KCNMA1: variants seen among roughly 807,000 people sequenced by gnomAD.
KCNMA1 encodes the protein potassium calcium-activated channel subfamily M alpha 1.
KCNMA1 carries 29 observed loss-of-function variants against 140.0 expected under a neutral mutation model. The observed-to-expected ratio is 0.21, with a 90% CI of 0.15 to 0.28. KCNMA1 has a LOEUF of 0.28. Ranked by LOEUF, KCNMA1 falls within the 10% of genes least tolerant of loss-of-function variation. The pLI is 1.00. For synonymous variants in KCNMA1, 612 were observed against 611.9 expected, an observed-to-expected ratio of 1.00 and a Z score of 0.00; for missense variants, 880 against 1,602.2, an observed-to-expected ratio of 0.55 and a Z score of 7.70.
chr10:76,971,978 T>TGTGG (rs2076222230), intron 19 of KCNMA1, among the ~76,000 whole-genome samples: 1 of 151,416 alleles, frequency 6.6e-6, no homozygotes, highest in East Asian at 2.0e-4. Context: ...TGTGTGGGTG[T>TGTGG]GTGTGTGTGT....
At chr10:77,211,407 G>C (rs2046036788) in intron 3 of KCNMA1, among the ~76,000 whole-genome samples, 1 of 152,174 alleles carries the variant, frequency 6.6e-6, no homozygotes, top group Non-Finnish European at 1.5e-5. Flanking sequence ...ACCATACGTA[G>C]AAGAATGAAA....
At chr10:77,599,484 G>C (rs1190060547) in intron 1 of KCNMA1, among the ~76,000 whole-genome samples, 1 of 152,112 alleles carries the variant, frequency 6.6e-6, no homozygotes, top group African/African-American at 2.4e-5. Context: ...CTCTGACCTA[G>C]GGTGCAAGGT....
At chr10:77,407,148 T>C (rs2096494722) in intron 1 of KCNMA1, among the ~76,000 whole-genome samples, 1 of 152,190 alleles carries the variant, frequency 6.6e-6, no homozygotes, top group Non-Finnish European at 1.5e-5. Flanking sequence ...TTGCTTACAC[T>C]AGATGTTGTG....
intron 1 of KCNMA1, among the ~76,000 whole-genome samples, chr10:77,525,307 C>T (rs556146705): frequency 6.6e-6 from 1 of 152,270 alleles, no homozygotes; most frequent in East Asian, 1.9e-4. Flanking sequence ...AAAGCACATC[C>T]AGCCTGGAAT....
intron 1 of KCNMA1, among the ~76,000 whole-genome samples, chr10:77,593,853 G>A (rs933128961): frequency 3.9e-5 from 6 of 152,146 alleles, no homozygotes; most frequent in Admixed American, 3.9e-4. Context: ...TGCACAATAA[G>A]GAAACCCAGG....
At chr10:77,221,311 A>G (rs2049584440) in intron 3 of KCNMA1, among the ~76,000 whole-genome samples, 2 of 152,044 alleles carry the variant, frequency 1.3e-5, no homozygotes, top group Admixed American at 1.3e-4. Flanking sequence ...TCTTCCCAAG[A>G]CCCTAATTAG....
intron 1 of KCNMA1, among the ~76,000 whole-genome samples, chr10:77,604,834 AG>A (rs1208760005): frequency 1.3e-5 from 2 of 152,208 alleles, no homozygotes; most frequent in African/African-American, 2.4e-5. Context: ...CATCCGTCTG[AG>A]GTCTCAGGCT....
At chr10:77,471,960 CACACT>C (rs2098166801) in intron 1 of KCNMA1, among the ~76,000 whole-genome samples, 1 of 150,694 alleles carries the variant, frequency 6.6e-6, no homozygotes, top group Admixed American at 6.6e-5. Flanking sequence ...ACATACACCA[CACACT>C]ACACATCACA....
rs772340558 is a variant in KCNMA1 at position 76,891,562 on chromosome 10, T to C, written c.3305A>G (p.Gln1102Arg). The change falls in exon 26 of 28, where the codon CAG becomes CGG. Residue 1102 changes from glutamine (Q) to arginine (R), a missense_variant. This residue lies in a region of KCNMA1 where 31 missense variants were observed against 38.8 expected (regional missense o/e 0.80). Transcript: ENST00000286628. ...LANRDRCRVAQLALLDGPFAD... is the reference protein window; with the variant it reads ...LANRDRCRVARLALLDGPFAD... ...AAATGGCCCATCGAGCAGAGCTAAC[T>C]GGGCCACGCGGCAGCGGTCCCTATT... 6.2e-7 allele frequency: 1 copy of C among 1,613,826 alleles called. No individual in the cohort carries two copies. Among genetic ancestry groups the C allele is most frequent in the Non-Finnish European group, 8.5e-7 (1 of 1,179,994 alleles).
At chr10:77,050,912 C>T (rs996088786) in intron 14 of KCNMA1, among the ~76,000 whole-genome samples, 3 of 152,184 alleles carry the variant, frequency 2.0e-5, no homozygotes, top group Non-Finnish European at 4.4e-5. Flanking sequence ...AGATGGGTAT[C>T]CAAGTGTTTG....
intron 2 of KCNMA1, among the ~76,000 whole-genome samples, chr10:77,309,037 A>G (rs1312080040): frequency 6.6e-6 from 1 of 152,096 alleles, no homozygotes; most frequent in East Asian, 1.9e-4. Context: ...CCCTTACCCA[A>G]AGGAGCCCGG....
At chr10:77,378,189 T>C (rs1465483190) in intron 2 of KCNMA1, among the ~76,000 whole-genome samples, 8 of 152,060 alleles carry the variant, frequency 5.3e-5, no homozygotes, top group South Asian at 4.2e-4. Flanking sequence ...CGACAGGCCA[T>C]GAAAAGAACA....
At chr10:77,372,326 C>T (rs1390314601) in intron 2 of KCNMA1, among the ~76,000 whole-genome samples, 5 of 152,206 alleles carry the variant, frequency 3.3e-5, no homozygotes, top group Admixed American at 3.3e-4. Flanking sequence ...AAACACAGAA[C>T]CTGCCACATA....
chr10:76,885,013 T>C lies in KCNMA1; in HGVS notation c.*2253A>G, dbSNP rs757933085. On this transcript the variant is annotated 3_prime_UTR_variant, in exon 28 of 28. Transcript: ENST00000286628. ...CCTTGGCCCATTCTATTCATCCTTG[T>C]TGCACTTTAGAGAGAGAAGTAAGCT... 2 of 1,548,696 alleles carry C rather than the reference T, an allele frequency of 1.3e-6. No individual in the cohort carries two copies. The highest frequency in any genetic ancestry group is 1.7e-6 in the Non-Finnish European group (2 of 1,146,036).
chr10:77,518,455 C>A (rs909367965), intron 1 of KCNMA1, among the ~76,000 whole-genome samples: 1 of 152,176 alleles, frequency 6.6e-6, no homozygotes, highest in African/African-American at 2.4e-5. Flanking sequence ...TTTAAAAATA[C>A]TCTCAGGCAA....
At chr10:77,576,843 G>C (rs565857158) in intron 1 of KCNMA1, among the ~76,000 whole-genome samples, 2 of 152,276 alleles carry the variant, frequency 1.3e-5, no homozygotes, top group East Asian at 3.9e-4. Context: ...ACCTGTCCAA[G>C]TCATTTAACG....
At chr10:77,196,151 A>G (rs1376318605) in intron 3 of KCNMA1, among the ~76,000 whole-genome samples, 1 of 152,098 alleles carries the variant, frequency 6.6e-6, no homozygotes, top group Non-Finnish European at 1.5e-5. Context: ...TCCTATCATT[A>G]TAAAAACATC....
At chr10:77,625,648 T>C (rs757284509) in intron 1 of KCNMA1, among the ~76,000 whole-genome samples, 1 of 152,238 alleles carries the variant, frequency 6.6e-6, no homozygotes, top group Non-Finnish European at 1.5e-5. Context: ...ATGTCCTCGA[T>C]GTTCATCTAT....
rs185452494 is a variant in KCNMA1, at chr10:77,274,176, T to G, written c.541-22920A>C. 1.7e-4 allele frequency among the ~76,000 whole-genome samples: 26 copies of G among 152,278 alleles called. 1 individual carries two copies. The highest frequency in any genetic ancestry group is 1.4e-3 in the Admixed American group (22 of 15,288). On this transcript the variant is annotated intron_variant, in intron 2 of 27. Transcript: ENST00000286628. ...AGATTTCTCCTAACTCTTTCAAGTA[T>G]GACTATCCTGATTATAGCCTCCAGA...
Sources: allele counts gnomAD v4.1 joint callset (sites outside exome capture counted in the v4.1 genomes callset), GRCh38; gene constraint gnomAD v4.1.1; regional missense constraint gnomAD v4.1.1; transcripts MANE v1.5; gene names NCBI Gene and HGNC (gene_info 2026-07-23, HGNC 2026-07-21).